The following HTT variants were observed in gnomAD, a reference collection of about 807,000 sequenced individuals.
HTT encodes huntington disease protein.
Under a neutral mutation model 362.3 loss-of-function variants are expected in HTT, and 104 were observed. That is an observed-to-expected ratio of 0.29 (90% CI 0.24 to 0.34). The LOEUF (loss-of-function observed/expected upper bound fraction) is 0.34, where lower values mean the gene tolerates loss of function less well. HTT is among the 10% of genes least tolerant of loss of function. HTT has a pLI of 1.00. For missense variants in HTT, 3,301 were observed against 3,928.6 expected, an observed-to-expected ratio of 0.84 and a Z score of 4.27; for synonymous variants, 1,577 against 1,548.7, an observed-to-expected ratio of 1.02 and a Z score of -0.43.
At chr4:3,165,465 T>G (rs1201428869) in intron 29 of HTT, among the ~76,000 whole-genome samples, 1 of 152,196 alleles carries the variant, frequency 6.6e-6, no homozygotes, top group African/African-American at 2.4e-5. Context: ...TCTGCCTTGC[T>G]AGGTTGGGGA....
chr4:3,091,129 AAG>A (rs1309981852), intron 2 of HTT, among the ~76,000 whole-genome samples: 2 of 152,328 alleles, frequency 1.3e-5, no homozygotes, highest in Non-Finnish European at 2.9e-5. Flanking sequence ...AAAGAGAAAA[AAG>A]AAAAAGAAAT....
chr4:3,182,174 C>T (rs1008468905), intron 36 of HTT, among the ~76,000 whole-genome samples, 180 bp from the exon 37 acceptor site: 2 of 152,192 alleles, frequency 1.3e-5, no homozygotes, highest in Non-Finnish European at 2.9e-5. Context: ...TTCTGATTCC[C>T]CTACATTTCT....
chr4:3,234,051 G>A (rs1721399780), intron 61 of HTT, among the ~76,000 whole-genome samples: 1 of 152,216 alleles, frequency 6.6e-6, no homozygotes, highest in African/African-American at 2.4e-5. Context: ...GCAAGAATTA[G>A]GAGCAAAGAT....
intron 24 of HTT, among the ~76,000 whole-genome samples, 160 bp downstream of exon 24, chr4:3,145,388 G>A (rs1716551134): frequency 6.6e-6 from 1 of 152,200 alleles, no homozygotes. Flanking sequence ...TTAGCTGTGT[G>A]AGACTAGTGA....
At chr4:3,193,678 G>A (rs1046041128) in intron 40 of HTT, among the ~76,000 whole-genome samples, 1 of 152,228 alleles carries the variant, frequency 6.6e-6, no homozygotes, top group African/African-American at 2.4e-5. Flanking sequence ...TAATTTAGTT[G>A]CCTTTAGCCA....
rs1716537203 is a variant in HTT, at chr4:3,145,132, T to C, written c.3067-20T>C. The C allele has an allele frequency of 6.3e-7, 1 of 1,587,450 alleles. No homozygotes were observed. The highest frequency in any genetic ancestry group is 8.7e-7 in the Non-Finnish European group (1 of 1,155,824). ...CCTTTGTGGTGTTTGGGTGTGATTT[T>C]ATTGTTTCTTTCTTCTCAGTTTGGA... is the stretch of plus-strand genomic sequence containing the variant. On this transcript the variant is annotated intron_variant, in intron 23 of 66. Transcript: ENST00000355072.
intron 1 of HTT, among the ~76,000 whole-genome samples, chr4:3,075,658 C>CGGGG (rs1712496862): frequency 8.4e-5 from 4 of 47,878 alleles, no homozygotes; most frequent in Non-Finnish European, 1.3e-4. Context: ...AGGGGGGGGG[C>CGGGG]GGGGAGTGAG....
intron 38 of HTT, 119 bp downstream of exon 38, chr4:3,186,838 C>CTTT (rs1160738052): frequency 1.8e-3 from 460 of 250,562 alleles, no homozygotes; most frequent in Middle Eastern, 3.0e-3. Flanking sequence ...TGAGAGTTTG[C>CTTT]TTTTTTTTTT....
intron 21 of HTT, among the ~76,000 whole-genome samples, chr4:3,136,651 A>G (rs929319322): frequency 5.9e-5 from 9 of 152,036 alleles, no homozygotes; most frequent in African/African-American, 2.2e-4. Flanking sequence ...CACTGTTAAT[A>G]TTTTGCTATA....
In HTT at chr4:3,223,534, CAAGCCTCTGA is replaced by C; in HGVS notation, c.7604_7613del (p.Pro2535LeufsTer10). 1 of 1,612,468 alleles carries C rather than the reference CAAGCCTCTGA, an allele frequency of 6.2e-7. No homozygotes were observed. Among genetic ancestry groups the C allele is most frequent in the Non-Finnish European group, 8.5e-7 (1 of 1,179,236 alleles). On this transcript the variant is annotated frameshift_variant, in exon 55 of 67. Coordinates refer to ENST00000355072, the MANE Select transcript of HTT (RefSeq NM_001388492.1). LOFTEE classifies it high-confidence loss of function. ...GCTGCTTGGAGCAGCAGCCCCGGAACAAGCCTCTGAAAGCTCTCGACACCAGGTTTGCTTG... is the reference window on the plus strand; with the variant it reads ...GCTGCTTGGAGCAGCAGCCCCGGAACAAGCTCTCGACACCAGGTTTGCTTG...
intron 7 of HTT, 91 bp downstream of exon 7, chr4:3,115,536 T>A: frequency 9.5e-7 from 1 of 1,053,436 alleles, no homozygotes; most frequent in Non-Finnish European, 1.4e-6. Context: ...CCTCAGCTTC[T>A]AGACCAGGCT....
chr4:3,105,125 T>G (rs987162848), intron 4 of HTT, among the ~76,000 whole-genome samples: 8 of 152,170 alleles, frequency 5.3e-5, no homozygotes, highest in Non-Finnish European at 1.2e-4. Flanking sequence ...TTACTTTTCT[T>G]CAAAAGGTTA....
intron 51 of HTT, among the ~76,000 whole-genome samples, chr4:3,215,776 G>A (rs16844068): frequency 0.019 from 2,935 of 152,210 alleles, 85 homozygotes; most frequent in African/African-American, 0.063. Context: ...ATATACTACG[G>A]CTTTTCATGC....
chr4:3,154,506 G>T, intron 27 of HTT, 87 bp downstream of exon 27: 1 of 1,525,406 alleles, frequency 6.6e-7, no homozygotes, highest in Non-Finnish European at 8.8e-7. Flanking sequence ...GTGTTTTAGA[G>T]AAATAAATAT....
At chr4:3,139,058 TTTTTCA>T (rs2110196685) in intron 21 of HTT, among the ~76,000 whole-genome samples, 1 of 152,372 alleles carries the variant, frequency 6.6e-6, no homozygotes, top group East Asian at 1.9e-4. Flanking sequence ...GTGCATATTC[TTTTTCA>T]TTTTCATCAT....
intron 28 of HTT, among the ~76,000 whole-genome samples, chr4:3,158,814 T>C (rs879570472): frequency 6.6e-6 from 1 of 152,066 alleles, no homozygotes; most frequent in African/African-American, 2.4e-5. Context: ...TGTTGAAAAA[T>C]GCCGTAGAGA....
intron 59 of HTT, among the ~76,000 whole-genome samples, chr4:3,229,302 CCACACACACA>C (rs35275647): frequency 7.1e-6 from 1 of 140,642 alleles, no homozygotes; most frequent in South Asian, 2.3e-4. Flanking sequence ...CATGCATGCA[CCACACACACA>C]CACACACACC....
chr4:3,185,003 A>G (rs1718697240), intron 37 of HTT, among the ~76,000 whole-genome samples: 2 of 152,168 alleles, frequency 1.3e-5, no homozygotes, highest in Admixed American at 1.3e-4. Flanking sequence ...AACTTGGCCC[A>G]GGTTTGGCAG....
intron 50 of HTT, among the ~76,000 whole-genome samples, 166 bp downstream of exon 50, chr4:3,214,301 A>G (rs555157126): frequency 2.6e-5 from 4 of 152,116 alleles, no homozygotes; most frequent in South Asian, 4.2e-4. Flanking sequence ...TTACTCTCCA[A>G]TATATTGGAG....
Sources: allele counts gnomAD v4.1 joint callset (sites outside exome capture counted in the v4.1 genomes callset), GRCh38; gene constraint gnomAD v4.1.1; transcripts MANE v1.5; gene names NCBI Gene and HGNC (gene_info 2026-07-23, HGNC 2026-07-21).